The following ZNF628 variants were observed in gnomAD, a reference collection of about 807,000 sequenced individuals.
ZNF628 encodes zinc finger protein Zec.
ZNF628 carries 3 observed loss-of-function variants against 2.5 expected under a neutral mutation model. The observed-to-expected ratio is 1.19, with a 90% confidence interval of 0.54 to 3.07. The LOEUF (loss-of-function observed/expected upper bound fraction) is 3.07, where lower values mean the gene tolerates loss of function less well. ZNF628 is among the 30% of genes most tolerant of loss of function. The pLI is 0.03. For missense variants in ZNF628, 1,610 were observed against 1,517.1 expected (o/e 1.06, Z -1.02); for synonymous variants, 861 against 717.1 (o/e 1.20, Z -3.21).
Position 55,482,689 on chromosome 19 carries a change from T to A in ZNF628, c.1496T>A (p.Ile499Asn), listed in dbSNP as rs757903189. 4 of 1,611,910 alleles carry A rather than the reference T, an allele frequency of 2.5e-6. No individual in the cohort carries two copies. The highest frequency in any genetic ancestry group is 3.4e-6 in the Non-Finnish European group (4 of 1,179,314). Residue 499 changes from isoleucine (I) to asparagine (N), a missense_variant, in exon 3 of 3, where the codon ATC becomes AAC. Physicochemically the swap from Ile to Asn is moderately radical, Grantham distance 149 (BLOSUM62 -3). Transcript: ENST00000598519. ...KAFKRSSLLA[I>N]HQRVHTGLRA... ...TTCAAGCGCTCCTCCCTGCTGGCCATCCACCAGCGGGTGCACACGGGCCTG... is the reference window on the plus strand; with the variant it reads ...TTCAAGCGCTCCTCCCTGCTGGCCAACCACCAGCGGGTGCACACGGGCCTG...
In ZNF628 at chr19:55,483,539, A is replaced by G. The variant is rs1447466545; in HGVS notation, c.2346A>G (p.Leu782=). ...TCTGGCTGCCAGGCCCTGGGGGTCTAGGGGTGCAGGGAGCGGCCAGCGCTG... is the reference window on the plus strand; with the variant it reads ...TCTGGCTGCCAGGCCCTGGGGGTCTGGGGGTGCAGGGAGCGGCCAGCGCTG... ...GVVWLPGPGG[L]GVQGAASAGA... Residue 782 remains leucine, a synonymous_variant, in exon 3 of 3, where the codon CTA becomes CTG. Transcript: ENST00000598519. 6.3e-7 allele frequency: 1 copy of G among 1,580,164 alleles called. No individual in the cohort carries two copies. The highest frequency in any genetic ancestry group is 1.7e-5 in the Admixed American group (1 of 58,406).
At position 55,479,721 on chromosome 19, in the gene ZNF628, A is replaced by C; in HGVS notation, c.-77-113A>C. 1 of 387,778 alleles carries C rather than the reference A, an allele frequency of 2.6e-6. No homozygotes were observed. The highest frequency in any genetic ancestry group is 3.6e-5 in the East Asian group (1 of 27,480). 24.0% of individuals were successfully genotyped at this position (387,778 alleles called of 1,614,324 possible). A position where few individuals can be genotyped will look rare whatever the true frequency, so the allele number is the denominator to read the frequency against. ...TTAACAGATAACCCCAAATGCCTCC[A>C]GGCATTGCGGGATGTCCCCTGGGTT... is the stretch of plus-strand genomic sequence containing the variant. On this transcript the variant is annotated intron_variant, in intron 1 of 2. Coordinates refer to ENST00000598519, the MANE Select transcript of ZNF628 (RefSeq NM_033113.3). The surrounding 1 kb of genome is among the most constrained non-coding windows in gnomAD (Gnocchi z 5.1).
chr19:55,482,294 G>C lies in ZNF628; in HGVS notation c.1101G>C (p.Thr367=), dbSNP rs1042307147. The C allele has an allele frequency of 6.8e-7, 1 of 1,471,298 alleles. No individual in the cohort carries two copies. The highest frequency in any genetic ancestry group is 1.5e-5 in the African/African-American group (1 of 67,726). The allele number at this position is 1,471,298 out of a possible 1,614,324, so 91.1% of individuals were successfully genotyped here. A position where few individuals can be genotyped will look rare whatever the true frequency, so the allele number is the denominator to read the frequency against. The part of the protein sequence containing the change: ...ACLPCGKSFR[T]VAGLSRHQHS... ...TGCCCTGCGGCAAGTCCTTCCGGAC[G>C]GTGGCTGGGCTCTCCCGCCACCAGC... Residue 367 remains threonine, a synonymous_variant, in exon 3 of 3, where the codon ACG becomes ACC. Coordinates refer to ENST00000598519, the MANE Select transcript of ZNF628 (RefSeq NM_033113.3).
chr19:55,483,176 GC>G lies in ZNF628; in HGVS notation c.1988del (p.Pro663LeufsTer61). The G allele has an allele frequency of 6.5e-7, 1 of 1,548,714 alleles. No individual in the cohort carries two copies. Among genetic ancestry groups the G allele is most frequent in the Non-Finnish European group, 8.7e-7 (1 of 1,154,616 alleles). On this transcript the variant is annotated frameshift_variant, in exon 3 of 3. Coordinates refer to ENST00000598519, the MANE Select transcript of ZNF628 (RefSeq NM_033113.3). LOFTEE classifies it low-confidence loss of function (END_TRUNC). ...STTAPAAGPQ[P>X]PAPLAAARAP... The stretch of plus-strand genomic sequence containing the variant: ...CCACAGCCCCTGCCGCCGGCCCCCA[GC>G]CCCCTGCTCCACTGGCTGCTGCGCG...
In ZNF628 at chr19:55,483,381, C is replaced by T. The variant is rs745440425; in HGVS notation, c.2188C>T (p.Pro730Ser). Residue 730 changes from proline (P) to serine (S), a missense_variant, in exon 3 of 3, where the codon CCC (proline) becomes TCC (serine). Physicochemically the swap from Pro to Ser is moderately conservative, Grantham distance 74. Around this residue, in one of 5 missense-constraint regions of ZNF628, gnomAD observed 712 missense variants for 603.6 expected, o/e 1.18. Coordinates refer to ENST00000598519, the MANE Select transcript of ZNF628 (RefSeq NM_033113.3). Reference protein sequence around the residue: ...GLQLIPSSVQPPTPPPPPAPP... With the variant: ...GLQLIPSSVQSPTPPPPPAPP... ...CCAGCTGATCCCCAGCAGCGTGCAG[C>T]CCCCTACACCTCCGCCCCCTCCCGC... The T allele has an allele frequency of 9.1e-6, 14 of 1,541,210 alleles. No homozygotes were observed. The highest frequency in any genetic ancestry group is 2.4e-5 in the East Asian group (1 of 40,972).
rs1285756833 is a variant in ZNF628 at position 55,484,145 on chromosome 19, G to A, written c.2952G>A (p.Glu984=). The A allele has an allele frequency of 1.3e-6, 2 of 1,584,094 alleles. No individual in the cohort carries two copies. Among genetic ancestry groups the A allele is most frequent in the East Asian group, 4.7e-5 (2 of 42,690 alleles). ...LLIIRSAPAT[E]LLDSSNTGGG... is the part of the protein sequence containing the mutation. ...TCATCCGCAGCGCCCCAGCCACTGA[G>A]CTGCTGGACAGCAGCAACACTGGAG... The change falls in exon 3 of 3, where the codon GAG becomes GAA. Residue 984 remains glutamate (E), a synonymous_variant. Coordinates refer to ENST00000598519, the MANE Select transcript of ZNF628 (RefSeq NM_033113.3).
intron 1 of ZNF628, among the ~76,000 whole-genome samples, chr19:55,477,055 A>G (rs1398847817): frequency 2.6e-5 from 4 of 152,196 alleles, no homozygotes; most frequent in Non-Finnish European, 5.9e-5. Flanking sequence ...TTTCCCCTAA[A>G]AGGCGGTTAT....
At position 55,476,715 on chromosome 19, in the gene ZNF628, G is replaced by C. The variant is rs1018774472; in HGVS notation, c.-170G>C. 6.6e-6 allele frequency: 1 copy of C among 151,974 alleles called. No individual in the cohort carries two copies. Among genetic ancestry groups the C allele is most frequent in the East Asian group, 1.9e-4 (1 of 5,174 alleles). The allele number at this position is 151,974 out of a possible 1,614,324, so 9.4% of individuals were successfully genotyped here. On this transcript the variant is annotated 5_prime_UTR_variant, in exon 1 of 3. Transcript: ENST00000598519. ...CTGCCCCCCCTCCCCGGTCCCCACA[G>C]CTGCACCGCCGCTGCCGGGGCCCCA...
chr19:55,482,503 C>G lies in ZNF628; in HGVS notation c.1310C>G (p.Ala437Gly). The change falls in exon 3 of 3, where the codon GCC becomes GGC. Residue 437 changes from alanine (A) to glycine (G), a missense_variant. Ala to Gly is a moderately conservative substitution (Grantham distance 60). Coordinates refer to ENST00000598519, the MANE Select transcript of ZNF628 (RefSeq NM_033113.3). The part of the protein sequence containing the change: ...TCPQEPLAPA[A>G]PVPPPPPSAP... ...CCCCAGGAACCGCTGGCGCCTGCCG[C>G]CCCCGTCCCGCCGCCACCCCCGTCC... 1.4e-6 allele frequency: 2 copies of G among 1,456,420 alleles called. No individual in the cohort carries two copies. Among genetic ancestry groups the G allele is most frequent in the Non-Finnish European group, 1.8e-6 (2 of 1,106,746 alleles). 90.2% of individuals were successfully genotyped at this position (1,456,420 alleles called of 1,614,324 possible). A position where few individuals can be genotyped will look rare whatever the true frequency, so the allele number is the denominator to read the frequency against.
At position 55,479,730 on chromosome 19, in the gene ZNF628, G is replaced by A. The variant is rs1202855498; in HGVS notation, c.-77-104G>A. 7 of 389,190 alleles carry A rather than the reference G, an allele frequency of 1.8e-5. 1 individual carries two copies. The highest frequency in any genetic ancestry group is 2.9e-4 in the South Asian group (2 of 6,976). The allele number at this position is 389,190 out of a possible 1,614,324, so 24.1% of individuals were successfully genotyped here. A position where few individuals can be genotyped will look rare whatever the true frequency, so the allele number is the denominator to read the frequency against. On this transcript the variant is annotated intron_variant, in intron 1 of 2. Transcript: ENST00000598519. This position sits in a 1 kb window ranked among gnomAD's most constrained non-coding sequence, Gnocchi z 5.1. ...AACCCCAAATGCCTCCAGGCATTGC[G>A]GGATGTCCCCTGGGTTGAAGGCACA...
At chr19:55,478,303 G>C (rs1025660754) in intron 1 of ZNF628, among the ~76,000 whole-genome samples, 1 of 152,204 alleles carries the variant, frequency 6.6e-6, no homozygotes, top group Admixed American at 6.5e-5. Flanking sequence ...AGGGATTGTA[G>C]ATTTAAATAG....
chr19:55,482,227 C>T lies in ZNF628; in HGVS notation c.1034C>T (p.Pro345Leu), dbSNP rs1403052505. The change falls in exon 3 of 3, where the codon CCC becomes CTC. Residue 345 changes from proline (P) to leucine (L), a missense_variant. Physicochemically the swap from Pro to Leu is moderately conservative, Grantham distance 98. Around this residue, in one of 5 missense-constraint regions of ZNF628, gnomAD observed 651 missense variants for 575.6 expected, o/e 1.13. Transcript: ENST00000598519. ...CAGCCACCGTCCCCTCTGCCGCAGC[C>T]CCCTCCTCCCGCCGCCGCCCCCGCG... ...ADQPPSPLPQ[P>L]PPPAAAPAPG... is the part of the protein sequence containing the mutation. 4.1e-5 allele frequency: 59 copies of T among 1,454,242 alleles called. 2 individuals carry two copies. In the Admixed American group the frequency reaches 7.5e-4, roughly 19 times the overall value. The allele number at this position is 1,454,242 out of a possible 1,614,324, so 90.1% of individuals were successfully genotyped here. A position where few individuals can be genotyped will look rare whatever the true frequency, so the allele number is the denominator to read the frequency against.
Position 55,482,788 on chromosome 19 carries a change from A to C in ZNF628, c.1595A>C (p.His532Pro). 6.2e-7 allele frequency: 1 copy of C among 1,610,378 alleles called. No individual in the cohort carries two copies. Among genetic ancestry groups the C allele is most frequent in the Non-Finnish European group, 8.5e-7 (1 of 1,178,018 alleles). ...CACTACCAGTACCACCTGCGGCTGC[A>C]CTCTGGCGAGCGGCCCTACGCCTGC... ...SSHYQYHLRL[H>P]SGERPYACGE... The change falls in exon 3 of 3, where the codon CAC (histidine) becomes CCC (proline). Residue 532 changes from histidine to proline, a missense_variant. His to Pro is a moderately conservative substitution (Grantham distance 77, BLOSUM62 -2). This residue lies in a region of ZNF628 where 651 missense variants were observed against 575.6 expected (regional missense o/e 1.13). Coordinates refer to ENST00000598519, the MANE Select transcript of ZNF628 (RefSeq NM_033113.3).
Position 55,483,307 on chromosome 19 carries a change from C to G in ZNF628, c.2114C>G (p.Ala705Gly), listed in dbSNP as rs769831272. 6.6e-7 allele frequency: 1 copy of G among 1,524,142 alleles called. No homozygotes were observed. The allele number at this position is 1,524,142 out of a possible 1,614,324, so 94.4% of individuals were successfully genotyped here. A position where few individuals can be genotyped will look rare whatever the true frequency, so the allele number is the denominator to read the frequency against. The change falls in exon 3 of 3, where the codon GCA becomes GGA. Residue 705 changes from alanine to glycine, a missense_variant. Ala to Gly is a moderately conservative substitution (Grantham distance 60). Around this residue, in one of 5 missense-constraint regions of ZNF628, gnomAD observed 712 missense variants for 603.6 expected, o/e 1.18. Coordinates refer to ENST00000598519, the MANE Select transcript of ZNF628 (RefSeq NM_033113.3). The stretch of plus-strand genomic sequence containing the variant: ...GCCCAGGCCCCGAGCTTGGGGCCAG[C>G]AGCGCCCAACTCTCAGACGTTCCTC... ...GTAQAPSLGP[A>G]APNSQTFLLV...
In ZNF628 at chr19:55,482,925, A is replaced by G; in HGVS notation, c.1732A>G (p.Thr578Ala). 1 of 1,601,180 alleles carries G rather than the reference A, an allele frequency of 6.2e-7. No individual in the cohort carries two copies. The highest frequency in any genetic ancestry group is 1.7e-5 in the Admixed American group (1 of 59,132). Residue 578 changes from threonine (T) to alanine (A), a missense_variant, in exon 3 of 3, where the codon ACC becomes GCC. This residue lies in a region of ZNF628 where 651 missense variants were observed against 575.6 expected (regional missense o/e 1.13). Transcript: ENST00000598519. ...TGTCTGCGGCAAGAGCTTCGCGCAG[A>G]CCTCCAACCTGCGGCAGCACCAGCG... Reference protein sequence around the residue: ...CGVCGKSFAQTSNLRQHQRVH... With the variant: ...CGVCGKSFAQASNLRQHQRVH...
rs1476124019 is a variant in ZNF628 at position 55,483,441 on chromosome 19, G to A, written c.2248G>A (p.Ala750Thr). Residue 750 changes from alanine (A) to threonine (T), a missense_variant, in exon 3 of 3, where the codon GCT (alanine) becomes ACT (threonine). Ala to Thr is a moderately conservative substitution (Grantham distance 58). This residue lies in a region of ZNF628 where 712 missense variants were observed against 603.6 expected (regional missense o/e 1.18). Coordinates refer to ENST00000598519, the MANE Select transcript of ZNF628 (RefSeq NM_033113.3). ...GCTCATCCTGCTGCCCTCCTCCAGT[G>A]CTGGGGCTGGGGGCGGCCGTGCAAG... Reference protein sequence around the residue: ...PKLILLPSSSAGAGGGRARQG... With the variant: ...PKLILLPSSSTGAGGGRARQG... 1 of 1,512,138 alleles carries A rather than the reference G, an allele frequency of 6.6e-7. No individual in the cohort carries two copies. 93.7% of individuals were successfully genotyped at this position (1,512,138 alleles called of 1,614,324 possible). A position where few individuals can be genotyped will look rare whatever the true frequency, so the allele number is the denominator to read the frequency against.
intron 1 of ZNF628, among the ~76,000 whole-genome samples, chr19:55,478,257 G>C (rs1413076737): frequency 6.6e-6 from 1 of 152,196 alleles, no homozygotes; most frequent in Non-Finnish European, 1.5e-5. Flanking sequence ...TGCTGCGGGG[G>C]AAAAATAAGG....
At chr19:55,480,249 CTTTTTTTT>C (rs35704154) in intron 2 of ZNF628, among the ~76,000 whole-genome samples, 1 of 128,226 alleles carries the variant, frequency 7.8e-6, no homozygotes, top group Non-Finnish European at 1.6e-5. Flanking sequence ...TTTTTTTTTC[CTTTTTTTT>C]TTTTTTGAGA....
At position 55,483,160 on chromosome 19, in the gene ZNF628, C is replaced by T. The variant is rs746523993; in HGVS notation, c.1967C>T (p.Pro656Leu). The T allele has an allele frequency of 5.1e-6, 8 of 1,557,376 alleles. No individual in the cohort carries two copies. The highest frequency in any genetic ancestry group is 3.7e-5 in the Admixed American group (2 of 53,892). The change falls in exon 3 of 3, where the codon CCT (proline) becomes CTT (leucine). Residue 656 changes from proline to leucine, a missense_variant. By Grantham distance (98) the Pro-to-Leu change is moderately conservative. Transcript: ENST00000598519. ...AACACGCCTCCCAGCACCACAGCCC[C>T]TGCCGCCGGCCCCCAGCCCCCTGCT... ...PANTPPSTTAPAAGPQPPAPL... is the reference protein window; with the variant it reads ...PANTPPSTTALAAGPQPPAPL...
Sources: gnomAD v4.1 joint callset for allele counts (sites outside exome capture counted in the v4.1 genomes callset) on GRCh38, gnomAD v4.1.1 for gene constraint, gnomAD v4.1.1 regional missense constraint, Gnocchi (gnomAD v3.1) non-coding constraint, MANE v1.5 for transcripts, NCBI Gene and HGNC (gene_info 2026-07-23, HGNC 2026-07-21) for gene names.